Variants in GALNTL6 observed in about 807,000 individuals in gnomAD.
The protein encoded by GALNTL6 is polypeptide N-acetylgalactosaminyltransferase-like 6.
Under a neutral mutation model 73.7 loss-of-function variants are expected in GALNTL6, and 46 were observed. The ratio of observed to expected loss-of-function variants is 0.62; its 90% CI spans 0.49 to 0.80. The LOEUF (loss-of-function observed/expected upper bound fraction) is 0.80. Among genes scored for constraint, GALNTL6 ranks in the 30% least tolerant of loss-of-function variants. The pLI, the probability that GALNTL6 is intolerant of heterozygous loss-of-function variation, is 0.00. For missense variants in GALNTL6, 604 were observed against 755.0 expected, an observed-to-expected ratio of 0.80 and a Z score of 2.34; for synonymous variants, 259 against 263.7, an observed-to-expected ratio of 0.98 and a Z score of 0.17.
rs1328542612 is a variant in GALNTL6 at position 172,455,762 on chromosome 4, T to A, written c.553+107073T>A. The stretch of plus-strand genomic sequence containing the variant: ...GAGCGCCTAGGGGAGGGGGCAGCTG[T>A]GCACGCAGCTTCAGCAGACTTAAAA... On this transcript the variant is annotated intron_variant, in intron 5 of 12. Coordinates refer to ENST00000506823, the MANE Select transcript of GALNTL6 (RefSeq NM_001034845.3). Among the ~76,000 whole-genome samples, 3 of 152,284 alleles carry A rather than the reference T, an allele frequency of 2.0e-5. No individual in the cohort carries two copies. The East Asian group carries it at 5.8e-4, about 30-fold the overall frequency.
At chr4:172,004,139 T>C (rs1410644621) in intron 2 of GALNTL6, among the ~76,000 whole-genome samples, 1 of 152,176 alleles carries the variant, frequency 6.6e-6, no homozygotes, top group Non-Finnish European at 1.5e-5. Context: ...CATCATCTGA[T>C]TTACAATAAT....
At chr4:172,318,544 T>C (rs1390574123) in intron 4 of GALNTL6, among the ~76,000 whole-genome samples, 3 of 151,730 alleles carry the variant, frequency 2.0e-5, no homozygotes, top group East Asian at 1.9e-4. Context: ...CTACTAAAAA[T>C]AGAAAAAATT....
At chr4:171,962,104 AC>A (rs1241648120) in intron 2 of GALNTL6, among the ~76,000 whole-genome samples, 1 of 152,190 alleles carries the variant, frequency 6.6e-6, no homozygotes, top group Non-Finnish European at 1.5e-5. Flanking sequence ...AATACAAGAC[AC>A]CCTAATAGTT....
chr4:172,515,639 G>C (rs972020156), intron 5 of GALNTL6, among the ~76,000 whole-genome samples: 1 of 152,206 alleles, frequency 6.6e-6, no homozygotes, highest in Non-Finnish European at 1.5e-5. Context: ...AGGCCTCAGG[G>C]GAGTTCTGCA....
chr4:173,003,447 C>T (rs906600725), intron 10 of GALNTL6, among the ~76,000 whole-genome samples: 5 of 152,168 alleles, frequency 3.3e-5, no homozygotes, highest in African/African-American at 9.7e-5. Flanking sequence ...TGAGCAATCC[C>T]ATGATACAAT....
At chr4:172,058,136 GTTTTGTTTTGTTTT>G (rs1731085792) in intron 2 of GALNTL6, among the ~76,000 whole-genome samples, 1 of 151,258 alleles carries the variant, frequency 6.6e-6, no homozygotes, top group Non-Finnish European at 1.5e-5. Flanking sequence ...GTTTTGTTTT[GTTTTGTTTTGTTTT>G]GTTGTACAGA....
intron 2 of GALNTL6, among the ~76,000 whole-genome samples, chr4:171,998,962 C>T (rs1740585736): frequency 6.6e-6 from 1 of 152,132 alleles, no homozygotes; most frequent in East Asian, 1.9e-4. Context: ...ATTACAGCCT[C>T]ATACCCTCAA....
intron 2 of GALNTL6, among the ~76,000 whole-genome samples, chr4:172,190,551 T>C (rs890010130): frequency 2.0e-5 from 3 of 152,006 alleles, no homozygotes; most frequent in African/African-American, 7.3e-5. Flanking sequence ...AGGTGCATTT[T>C]AAAAAGAGAC....
intron 5 of GALNTL6, among the ~76,000 whole-genome samples, chr4:172,725,854 C>T (rs1735763410): frequency 6.6e-6 from 1 of 152,160 alleles, no homozygotes; most frequent in East Asian, 1.9e-4. Flanking sequence ...AGATAAAATA[C>T]GTACTCTGAT....
At chr4:172,054,166 T>C (rs1316404440) in intron 2 of GALNTL6, among the ~76,000 whole-genome samples, 1 of 151,992 alleles carries the variant, frequency 6.6e-6, no homozygotes. Flanking sequence ...TCATACTTAA[T>C]TTTTCTATTA....
At chr4:172,725,357 T>C (rs914488683) in intron 5 of GALNTL6, among the ~76,000 whole-genome samples, 9 of 152,206 alleles carry the variant, frequency 5.9e-5, no homozygotes, top group Non-Finnish European at 1.0e-4. Context: ...GCTCCACACA[T>C]TCTTCTAGTT....
In GALNTL6 at chr4:172,809,509, C is replaced by T. The variant is rs1268428980; in HGVS notation, c.702C>T (p.His234=). ...AAGTCCTGACATTCCTGGACTCCCA[C>T]TGCGAGGTCAATGTGAACTGGCTGC... The part of the protein sequence containing the change: ...RGEVLTFLDS[H]CEVNVNWLPP... The change falls in exon 6 of 13, where the codon CAC becomes CAT. Residue 234 remains histidine (H), a synonymous_variant. Coordinates refer to ENST00000506823, the MANE Select transcript of GALNTL6 (RefSeq NM_001034845.3). This position sits in a 1 kb window ranked among gnomAD's most constrained non-coding sequence, Gnocchi z 4.4. The T allele has an allele frequency of 6.2e-7, 1 of 1,613,530 alleles. No individual in the cohort carries two copies. Among genetic ancestry groups the T allele is most frequent in the East Asian group, 2.2e-5 (1 of 44,860 alleles).
At chr4:172,249,477 A>C (rs1205082134) in intron 3 of GALNTL6, among the ~76,000 whole-genome samples, 2 of 152,196 alleles carry the variant, frequency 1.3e-5, no homozygotes, top group African/African-American at 4.8e-5. Flanking sequence ...AGTAACAAGG[A>C]GCTGAATGTT....
At chr4:172,309,206 C>T (rs1028433322) in intron 3 of GALNTL6, among the ~76,000 whole-genome samples, 5 of 151,844 alleles carry the variant, frequency 3.3e-5, no homozygotes, top group African/African-American at 7.3e-5. Context: ...AATCCCCAGC[C>T]GTATGATCTT....
chr4:172,452,492 T>A (rs192781190), intron 5 of GALNTL6, among the ~76,000 whole-genome samples: 70 of 152,288 alleles, frequency 4.6e-4, no homozygotes, highest in African/African-American at 1.6e-3. Context: ...GTACTATATG[T>A]TTTATAAGAT....
At chr4:172,953,590 G>A (rs1217216780) in intron 10 of GALNTL6, among the ~76,000 whole-genome samples, 2 of 152,152 alleles carry the variant, frequency 1.3e-5, no homozygotes, top group Non-Finnish European at 2.9e-5. Context: ...AGTGTTCCTG[G>A]GTGAGCTGTT....
chr4:172,407,781 A>T (rs1167272241), intron 5 of GALNTL6, among the ~76,000 whole-genome samples: 1 of 152,044 alleles, frequency 6.6e-6, no homozygotes, highest in African/African-American at 2.4e-5. Flanking sequence ...TCCTATGCAG[A>T]ATTAGCCTCA....
At chr4:172,235,539 AG>A (rs1213624884) in intron 3 of GALNTL6, among the ~76,000 whole-genome samples, 1 of 152,074 alleles carries the variant, frequency 6.6e-6, no homozygotes, top group African/African-American at 2.4e-5. Context: ...TTATTTCAAA[AG>A]CCAGTTTTTG....
rs79712497 is a variant in GALNTL6 at position 172,791,901 on chromosome 4, C to T, written c.554-17460C>T. Among the ~76,000 whole-genome samples the T allele has an allele frequency of 8.9e-3, 1,357 of 152,310 alleles. 26 individuals are homozygous for T. Among genetic ancestry groups the T allele is most frequent in the African/African-American group, 0.031 (1,301 of 41,568 alleles). On this transcript the variant is annotated intron_variant, in intron 5 of 12. Coordinates refer to ENST00000506823, the MANE Select transcript of GALNTL6 (RefSeq NM_001034845.3). ...GTAAAAAGTCATGTTGGATTCTGCT[C>T]TGCTGATGCCTAGTCTTGGCATTCT... is the stretch of plus-strand genomic sequence containing the variant.
Sources: allele counts gnomAD v4.1 joint callset (sites outside exome capture counted in the v4.1 genomes callset), GRCh38; gene constraint gnomAD v4.1.1; non-coding constraint Gnocchi (gnomAD v3.1); transcripts MANE v1.5; gene names NCBI Gene and HGNC (gene_info 2026-07-23, HGNC 2026-07-21).